The following IL9R variants were observed in gnomAD, a reference collection of about 807,000 sequenced individuals.
IL9R encodes interleukin-9 receptor.
A neutral mutation model predicts 56.3 loss-of-function variants in IL9R; 54 were observed. The observed-to-expected ratio is 0.96, with a 90% CI of 0.77 to 1.20. The LOEUF (loss-of-function observed/expected upper bound fraction) is 1.20. Among genes scored for constraint, IL9R ranks in the 50% most tolerant of loss-of-function variants. IL9R has a pLI of 0.00. For synonymous variants in IL9R, 212 were observed against 250.2 expected (o/e 0.85, Z 1.44); for missense variants, 545 against 629.8 (o/e 0.87, Z 1.44).
At position 156,003,371 on chromosome X, in the gene IL9R, G is replaced by T. The variant is rs2067671689; in HGVS notation, c.143-78G>T. 3 of 1,014,664 alleles carry T rather than the reference G, an allele frequency of 3.0e-6. No homozygotes were observed. In the South Asian group the frequency reaches 3.8e-5, roughly 13 times the overall value. The allele number at this position is 1,014,664 out of a possible 1,614,324, so 62.9% of individuals were successfully genotyped here. A position where few individuals can be genotyped will look rare whatever the true frequency, so the allele number is the denominator to read the frequency against. On this transcript the variant is annotated intron_variant, in intron 2 of 8. Transcript: ENST00000244174. ...TGACTGCCCTGCTAGGGTGTCAGCT[G>T]TCAGATCCTCCCCAACCCCCGAGCT...
chrX:156,008,988 A>AT (rs2068211985), intron 8 of IL9R, among the ~76,000 whole-genome samples: 4 of 142,626 alleles, frequency 2.8e-5, no homozygotes, highest in South Asian at 2.2e-4. Context: ...TGTGTGTTTA[A>AT]GTCTGTGTGT....
At chrX:156,002,649 C>G (rs1386682491) in intron 1 of IL9R, among the ~76,000 whole-genome samples, 1 of 152,166 alleles carries the variant, frequency 6.6e-6, no homozygotes, top group East Asian at 1.9e-4. Flanking sequence ...AGGCCAGGAT[C>G]TAAGTTTGAG....
chrX:156,006,759 T>G (rs756003942), intron 7 of IL9R, among the ~76,000 whole-genome samples: 1 of 151,714 alleles, frequency 6.6e-6, no homozygotes, highest in Non-Finnish European at 1.5e-5. Flanking sequence ...TGGGGCTAAG[T>G]GGGAGGGTGC....
intron 1 of IL9R, chrX:156,001,410 A>G: frequency 6.2e-7 from 1 of 1,606,468 alleles, no homozygotes; most frequent in Non-Finnish European, 8.5e-7. Flanking sequence ...CTTTCCAGTA[A>G]CTGCTGCAAG....
chrX:156,005,689 T>C (rs1452725751), intron 6 of IL9R, among the ~76,000 whole-genome samples: 21 of 152,106 alleles, frequency 1.4e-4, no homozygotes, highest in East Asian at 5.8e-4. Flanking sequence ...AACCTGTAGT[T>C]AGTGGCTGCT....
At chrX:155,999,041 G>A (rs1338340649) in intron 1 of IL9R, among the ~76,000 whole-genome samples, 1 of 152,084 alleles carries the variant, frequency 6.6e-6, no homozygotes, top group African/African-American at 2.4e-5. Context: ...GTTCAGGGCT[G>A]TGCAGAAGGA....
chrX:156,004,157 G>T, intron 4 of IL9R: 1 of 599,650 alleles, frequency 1.7e-6, no homozygotes, highest in East Asian at 2.8e-5. Flanking sequence ...ATAAGATGCT[G>T]GGAAAAGCTT....
At chrX:155,999,901 G>A (rs1385618957) in intron 1 of IL9R, among the ~76,000 whole-genome samples, 1 of 152,104 alleles carries the variant, frequency 6.6e-6, no homozygotes, top group African/African-American at 2.4e-5. Context: ...CAAAGCAGGT[G>A]AATCACTTGA....
rs763954070 is a variant in IL9R, at chrX:156,003,651, G to A, written c.255-26G>A. ...TATGCCAGGACAGTGTAGCAGCCCC[G>A]TGGTGCTGACAAATGCCCTTTCCAG... On this transcript the variant is annotated intron_variant, in intron 3 of 8. Coordinates refer to ENST00000244174, the MANE Select transcript of IL9R (RefSeq NM_002186.3). The A allele has an allele frequency of 5.1e-5, 82 of 1,612,028 alleles. No homozygotes were observed. The East Asian group carries it at 8.3e-4, about 16-fold the overall frequency.
rs1189182013 is a variant in IL9R at position 156,003,754 on chromosome X, T to G, written c.332T>G (p.Val111Gly). ...ECTVVLPPEA[V>G]LVPSDNFTIT... Reference sequence around the variant, plus strand: ...ACCGTCGTGCTGCCACCTGAGGCAGTGCTCGTGCCATCTGACAATTTCACC... The same window carrying G: ...ACCGTCGTGCTGCCACCTGAGGCAGGGCTCGTGCCATCTGACAATTTCACC... The change falls in exon 4 of 9, where the codon GTG becomes GGG. Residue 111 changes from valine (V) to glycine (G), a missense_variant. By Grantham distance (109) the Val-to-Gly change is moderately radical (BLOSUM62 -3). Transcript: ENST00000244174. The G allele has an allele frequency of 6.2e-7, 1 of 1,613,998 alleles. No homozygotes were observed. Among genetic ancestry groups the G allele is most frequent in the South Asian group, 1.1e-5 (1 of 91,062 alleles).
Position 156,003,812 on chromosome X carries a change from G to A in IL9R, c.390G>A (p.Glu130=), listed in dbSNP as rs1439239906. The A allele has an allele frequency of 6.2e-7, 1 of 1,613,930 alleles. No homozygotes were observed. Among genetic ancestry groups the A allele is most frequent in the Non-Finnish European group, 8.5e-7 (1 of 1,179,808 alleles). The change falls in exon 4 of 9, where the codon GAG becomes GAA. Residue 130 remains glutamate, a synonymous_variant. Coordinates refer to ENST00000244174, the MANE Select transcript of IL9R (RefSeq NM_002186.3). ...TCCACCACTGCATGTCTGGGAGGGAGCAGGTCAGCCTGGTGGACCCGGAGT... is the reference window on the plus strand; with the variant it reads ...TCCACCACTGCATGTCTGGGAGGGAACAGGTCAGCCTGGTGGACCCGGAGT... The part of the protein sequence containing the change: ...ITFHHCMSGR[E]QVSLVDPEYL...
chrX:156,005,220 G>T, intron 5 of IL9R, 58 bp from the exon 6 acceptor site: 1 of 1,391,082 alleles, frequency 7.2e-7, no homozygotes, highest in Non-Finnish European at 1.0e-6. Context: ...GTGTATTCTC[G>T]AGGGCTGAGG....
At chrX:156,001,774 C>T (rs1187689607) in intron 1 of IL9R, among the ~76,000 whole-genome samples, 4 of 152,116 alleles carry the variant, frequency 2.6e-5, no homozygotes, top group Non-Finnish European at 4.4e-5. Flanking sequence ...AGGGCGTCAG[C>T]GGCCTTCCCA....
intron 2 of IL9R, 109 bp downstream of exon 2, chrX:156,003,128 G>C: frequency 7.2e-7 from 1 of 1,392,930 alleles, no homozygotes; most frequent in Non-Finnish European, 1.0e-6. Flanking sequence ...GGCCCAAACT[G>C]TGCTGGGGCA....
intron 1 of IL9R, chrX:156,001,392 A>C: frequency 1.3e-6 from 2 of 1,570,534 alleles, no homozygotes; most frequent in Non-Finnish European, 1.8e-6. Flanking sequence ...TGCCTTCCCC[A>C]TTCCCACCTT....
chrX:156,000,084 C>T lies in IL9R; in HGVS notation c.28+2297C>T, dbSNP rs770228987. 2.7e-5 allele frequency among the ~76,000 whole-genome samples: 4 copies of T among 150,832 alleles called. No individual in the cohort carries two copies. In the East Asian group the frequency reaches 5.9e-4, roughly 22 times the overall value. On this transcript the variant is annotated intron_variant, in intron 1 of 8. Coordinates refer to ENST00000244174, the MANE Select transcript of IL9R (RefSeq NM_002186.3). ...TCGGGAGGCAGAGGTTGCAGTGAGC[C>T]GAGATCACGCCACTGTGTTCCAGCC...
At chrX:156,009,001 T>TTGTGTGTGTGTGTCTC (rs1356342012) in intron 8 of IL9R, among the ~76,000 whole-genome samples, 1 of 133,682 alleles carries the variant, frequency 7.5e-6, no homozygotes, top group African/African-American at 2.9e-5. Context: ...CTGTGTGTGT[T>TTGTGTGTGTGTGTCTC]TGTGTGTGTG....
intron 6 of IL9R, 32 bp downstream of exon 6, chrX:156,005,511 C>A: frequency 3.2e-6 from 5 of 1,585,824 alleles, no homozygotes; most frequent in Non-Finnish European, 4.3e-6. Context: ...GCACTTCCAG[C>A]GGAGTCTGGG....
At chrX:156,007,817 T>C (rs1341904055) in intron 8 of IL9R, 1 of 606,712 alleles carries the variant, frequency 1.6e-6, no homozygotes, top group Non-Finnish European at 2.8e-6. Flanking sequence ...TGATTTCTTT[T>C]TGTTCTCAGG....
Sources: allele counts gnomAD v4.1 joint callset (sites outside exome capture counted in the v4.1 genomes callset), GRCh38; gene constraint gnomAD v4.1.1; transcripts MANE v1.5; gene names NCBI Gene and HGNC (gene_info 2026-07-23, HGNC 2026-07-21).